PTPRN2: variants seen among roughly 807,000 people sequenced by gnomAD.
PTPRN2 encodes the protein receptor-type tyrosine-protein phosphatase N2.
In PTPRN2, 74 loss-of-function variants were observed where a neutral mutation model predicts 118.8. The observed-to-expected ratio is 0.62, with a 90% CI of 0.52 to 0.76. PTPRN2 has a LOEUF of 0.76. PTPRN2 is among the 30% of genes least tolerant of loss of function. The pLI, the probability that PTPRN2 is intolerant of heterozygous loss-of-function variation, is 0.00. For synonymous variants in PTPRN2, 641 were observed against 608.0 expected, an observed-to-expected ratio of 1.05 and a Z score of -0.80; for missense variants, 1,481 against 1,394.4, an observed-to-expected ratio of 1.06 and a Z score of -0.99.
At chr7:158,413,211 C>G (rs1814348439) in intron 2 of PTPRN2, among the ~76,000 whole-genome samples, 1 of 152,208 alleles carries the variant, frequency 6.6e-6, no homozygotes, top group African/African-American at 2.4e-5. Flanking sequence ...CGTTCCAGAC[C>G]CACAAGAAAA....
rs748081333 is a variant in PTPRN2 at position 157,963,904 on chromosome 7, A to G, written c.1724-65167T>C. 1.2e-4 allele frequency among the ~76,000 whole-genome samples: 19 copies of G among 152,264 alleles called. No homozygotes were observed. The East Asian group carries it at 1.7e-3, about 14-fold the overall frequency. ...ATTTTTGGACAGACGAGTTCTCCCTATGTTGCTCAGGCTGGTCTCAAACTC... is the reference window on the plus strand; with the variant it reads ...ATTTTTGGACAGACGAGTTCTCCCTGTGTTGCTCAGGCTGGTCTCAAACTC... On this transcript the variant is annotated intron_variant, in intron 11 of 22. Transcript: ENST00000389418.
In PTPRN2 at chr7:158,563,884, C is replaced by T. The variant is rs1281190659; in HGVS notation, c.112+23674G>A. Reference sequence around the variant, plus strand: ...ATATATTTCTAAGATTGGGGTCATTCCTTACACCTGGATTTGTTCTCCAGT... The same window carrying T: ...ATATATTTCTAAGATTGGGGTCATTTCTTACACCTGGATTTGTTCTCCAGT... On this transcript the variant is annotated intron_variant, in intron 1 of 22. Coordinates refer to ENST00000389418, the MANE Select transcript of PTPRN2 (RefSeq NM_002847.5). The surrounding 1 kb of genome is among the most constrained non-coding windows in gnomAD (Gnocchi z 5.1). 6.6e-6 allele frequency among the ~76,000 whole-genome samples: 1 copy of T among 152,208 alleles called. No individual in the cohort carries two copies. The highest frequency in any genetic ancestry group is 1.5e-5 in the Non-Finnish European group (1 of 68,038).
chr7:157,564,638 G>A (rs1051160344), intron 21 of PTPRN2, among the ~76,000 whole-genome samples: 3 of 152,230 alleles, frequency 2.0e-5, no homozygotes, highest in African/African-American at 4.8e-5. Context: ...TGAAATGTCT[G>A]TTTTGCTCAA....
chr7:157,721,289 G>A (rs902115987), intron 12 of PTPRN2, among the ~76,000 whole-genome samples: 1 of 152,230 alleles, frequency 6.6e-6, no homozygotes, highest in Admixed American at 6.5e-5. Flanking sequence ...AATGTCAGGG[G>A]TGCCTGGTCT....
rs76717752 is a variant in PTPRN2, at chr7:158,104,025, C to A, written c.1643+6804G>T. On this transcript the variant is annotated intron_variant, in intron 10 of 22. Coordinates refer to ENST00000389418, the MANE Select transcript of PTPRN2 (RefSeq NM_002847.5). ...TACAGGCACCTGCCACCATGCCCGA[C>A]TAATTTTTGTATTTTTAAGTAGAGA... Among the ~76,000 whole-genome samples, 772 of 152,192 alleles carry A rather than the reference C, an allele frequency of 5.1e-3. 26 individuals carry two copies. In the East Asian group the frequency reaches 0.098, roughly 19 times the overall value.
intron 1 of PTPRN2, among the ~76,000 whole-genome samples, chr7:158,506,254 G>T: frequency 6.6e-6 from 1 of 152,212 alleles, no homozygotes; most frequent in South Asian, 2.1e-4. Flanking sequence ...ACACAAGGAA[G>T]TCCCCTCTCC....
intron 5 of PTPRN2, among the ~76,000 whole-genome samples, chr7:158,180,670 A>G (rs1477729622): frequency 1.3e-5 from 2 of 152,116 alleles, no homozygotes; most frequent in African/African-American, 4.8e-5. Context: ...TTGGTTAAGT[A>G]TATTGATAGG....
At chr7:157,698,315 A>G (rs1025278548) in intron 12 of PTPRN2, among the ~76,000 whole-genome samples, 2 of 152,240 alleles carry the variant, frequency 1.3e-5, no homozygotes, top group Admixed American at 1.3e-4. Flanking sequence ...TAAATCACCA[A>G]CACAACTCAG....
intron 11 of PTPRN2, among the ~76,000 whole-genome samples, chr7:157,975,155 C>G (rs1341493909): frequency 6.6e-6 from 1 of 152,106 alleles, no homozygotes; most frequent in Non-Finnish European, 1.5e-5. Flanking sequence ...CTTTCTGGGG[C>G]CCCCCAGTTC....
intron 12 of PTPRN2, among the ~76,000 whole-genome samples, chr7:157,751,429 C>T (rs752006896): frequency 6.6e-6 from 1 of 152,188 alleles, no homozygotes; most frequent in Non-Finnish European, 1.5e-5. Flanking sequence ...TGTAATTTAG[C>T]ACCCAGGCAT....
intron 11 of PTPRN2, among the ~76,000 whole-genome samples, chr7:158,072,880 A>G (rs1383500791): frequency 6.6e-6 from 1 of 152,206 alleles, no homozygotes; most frequent in African/African-American, 2.4e-5. Flanking sequence ...GAGTCTCTCA[A>G]AAGTCATAAT....
At chr7:158,523,368 T>TGGAGC (rs1369129861) in intron 1 of PTPRN2, among the ~76,000 whole-genome samples, 2 of 151,866 alleles carry the variant, frequency 1.3e-5, no homozygotes, top group African/African-American at 4.8e-5. Context: ...GAGTCTGCCC[T>TGGAGC]GGAGTGGAGT....
chr7:157,989,880 C>T lies in PTPRN2; in HGVS notation c.1724-91143G>A, dbSNP rs555265514. Among the ~76,000 whole-genome samples, 278 of 152,212 alleles carry T rather than the reference C, an allele frequency of 1.8e-3. 1 individual carries two copies. The highest frequency in any genetic ancestry group is 6.3e-3 in the African/African-American group (263 of 41,542). ...CTTCCACACTCGGCCAAGGTCTCTGCCCCCGCATCCCACCCCGCCCTGCCC... is the reference window on the plus strand; with the variant it reads ...CTTCCACACTCGGCCAAGGTCTCTGTCCCCGCATCCCACCCCGCCCTGCCC... On this transcript the variant is annotated intron_variant, in intron 11 of 22. Coordinates refer to ENST00000389418, the MANE Select transcript of PTPRN2 (RefSeq NM_002847.5).
chr7:157,972,346 G>A (rs555502389), intron 11 of PTPRN2, among the ~76,000 whole-genome samples: 7 of 152,324 alleles, frequency 4.6e-5, no homozygotes, highest in East Asian at 1.9e-4. Flanking sequence ...ATGGGACCTC[G>A]GGTCTTAAAG....
intron 12 of PTPRN2, among the ~76,000 whole-genome samples, chr7:157,702,543 T>C (rs1242788): frequency 0.88 from 133,401 of 152,232 alleles, 58,653 homozygotes; most frequent in Non-Finnish European, 0.91. Context: ...GTGCCCTCCA[T>C]AGGCTCCTGT....
In PTPRN2 at chr7:158,155,956, C is replaced by G. The variant is rs114422974; in HGVS notation, c.910+10975G>C. Among the ~76,000 whole-genome samples the G allele has an allele frequency of 2.5e-3, 387 of 152,314 alleles. 2 individuals carry two copies. Among genetic ancestry groups the G allele is most frequent in the African/African-American group, 8.8e-3 (367 of 41,580 alleles). ...TTCAGTAGGAGCTCATTATCGCATT[C>G]TCTCCTCATTTGGGCTTCCACAGGG... On this transcript the variant is annotated intron_variant, in intron 6 of 22. Coordinates refer to ENST00000389418, the MANE Select transcript of PTPRN2 (RefSeq NM_002847.5).
intron 3 of PTPRN2, among the ~76,000 whole-genome samples, chr7:158,276,228 CACCCCCACATCCCGGTCCTGGT>C (rs1798958281): frequency 1.6e-5 from 1 of 60,696 alleles, no homozygotes; most frequent in African/African-American, 5.3e-5. Context: ...TGTAAGGTAG[CACCCCCACATCCCGGTCCTGGT>C]AGCACCCCCA....
chr7:158,294,579 C>A (rs189991007), intron 3 of PTPRN2, among the ~76,000 whole-genome samples: 1 of 152,342 alleles, frequency 6.6e-6, no homozygotes, highest in Admixed American at 6.5e-5. Context: ...GCAACAGCAT[C>A]AGACATGCGT....
intron 12 of PTPRN2, among the ~76,000 whole-genome samples, chr7:157,841,455 C>T (rs1415218092): frequency 6.6e-6 from 1 of 152,206 alleles, no homozygotes; most frequent in African/African-American, 2.4e-5. Context: ...GTGAAGGATC[C>T]TCCCCTTCCC....
Sources: allele counts gnomAD v4.1 joint callset (sites outside exome capture counted in the v4.1 genomes callset), GRCh38; gene constraint gnomAD v4.1.1; non-coding constraint Gnocchi (gnomAD v3.1); transcripts MANE v1.5; gene names NCBI Gene and HGNC (gene_info 2026-07-23, HGNC 2026-07-21).